Variants in NPAS3 observed in about 807,000 individuals in gnomAD.
The protein encoded by NPAS3 is neuronal PAS domain-containing protein 3.
Under a neutral mutation model 73.1 loss-of-function variants are expected in NPAS3, and 14 were observed. That is an observed-to-expected ratio of 0.19 (90% CI 0.13 to 0.30). NPAS3 has a LOEUF of 0.30. NPAS3 is among the 10% of genes least tolerant of loss of function. The pLI is 1.00. For missense variants in NPAS3, 1,096 were observed against 1,250.0 expected (o/e 0.88, Z 1.86); for synonymous variants, 620 against 541.5 (o/e 1.14, Z -2.01).
intron 5 of NPAS3, among the ~76,000 whole-genome samples, chr14:33,608,966 C>G (rs1022867816): frequency 3.3e-5 from 5 of 152,218 alleles, no homozygotes; most frequent in African/African-American, 1.2e-4. Flanking sequence ...TCCACACCCA[C>G]AGCATCCTAC....
At chr14:33,257,391 T>C (rs1481242974) in intron 3 of NPAS3, among the ~76,000 whole-genome samples, 1 of 152,162 alleles carries the variant, frequency 6.6e-6, no homozygotes, top group Admixed American at 6.6e-5. Flanking sequence ...CTTTGGTAAT[T>C]TCCGTTCCCT....
chr14:33,123,700 AAAACAGATAAGGTAAACACC>A (rs1180067204), intron 2 of NPAS3, among the ~76,000 whole-genome samples: 1 of 152,110 alleles, frequency 6.6e-6, no homozygotes, highest in Non-Finnish European at 1.5e-5. Context: ...GGTAAGCTTA[AAAACAGATAAGGTAAACACC>A]AAACTAAAGG....
At chr14:33,337,066 C>T (rs750624462) in intron 3 of NPAS3, among the ~76,000 whole-genome samples, 8 of 152,042 alleles carry the variant, frequency 5.3e-5, no homozygotes, top group Non-Finnish European at 1.0e-4. Context: ...TTTTGAAGAA[C>T]AGAGGTTTTA....
intron 4 of NPAS3, among the ~76,000 whole-genome samples, chr14:33,519,823 T>A (rs531067425): frequency 2.6e-5 from 4 of 152,128 alleles, no homozygotes; most frequent in Non-Finnish European, 5.9e-5. Flanking sequence ...TGAACCCAGA[T>A]AATACTAATT....
chr14:33,634,473 G>C (rs188818492), intron 5 of NPAS3, among the ~76,000 whole-genome samples: 40 of 152,268 alleles, frequency 2.6e-4, no homozygotes, highest in African/African-American at 9.4e-4. Flanking sequence ...AGATGATGCT[G>C]GAACCAGTGA....
chr14:33,556,933 A>G (rs1007008005), intron 4 of NPAS3, among the ~76,000 whole-genome samples: 7 of 152,212 alleles, frequency 4.6e-5, no homozygotes, highest in Non-Finnish European at 8.8e-5. Context: ...AAAATTTGAG[A>G]AGATGACTTA....
chr14:33,543,425 A>AT (rs1434295566), intron 4 of NPAS3, among the ~76,000 whole-genome samples: 22 of 152,310 alleles, frequency 1.4e-4, no homozygotes, highest in African/African-American at 5.3e-4. Flanking sequence ...TATAGATTTT[A>AT]TATCAGTCCA....
intron 1 of NPAS3, among the ~76,000 whole-genome samples, chr14:33,043,150 G>A (rs375589337): frequency 2.2e-3 from 328 of 152,138 alleles, no homozygotes; most frequent in African/African-American, 7.7e-3. Flanking sequence ...CTATTTGTTG[G>A]TACAGTCTAC....
At chr14:33,240,916 C>T (rs1177959269) in intron 3 of NPAS3, among the ~76,000 whole-genome samples, 1 of 151,762 alleles carries the variant, frequency 6.6e-6, no homozygotes, top group African/African-American at 2.4e-5. Context: ...CAACACTTCC[C>T]AATTAATTGC....
chr14:33,443,261 A>G (rs2049333517), intron 4 of NPAS3, among the ~76,000 whole-genome samples: 1 of 152,028 alleles, frequency 6.6e-6, no homozygotes, highest in Non-Finnish European at 1.5e-5. Context: ...CTATATATCT[A>G]GAAACTCTGT....
chr14:33,017,234 A>T (rs1290202083), intron 1 of NPAS3, among the ~76,000 whole-genome samples: 1 of 152,166 alleles, frequency 6.6e-6, no homozygotes, highest in Non-Finnish European at 1.5e-5. Context: ...CTGTGATGGG[A>T]ACTACCAAAT....
At chr14:32,945,650 C>T (rs978300483) in intron 1 of NPAS3, among the ~76,000 whole-genome samples, 1 of 152,026 alleles carries the variant, frequency 6.6e-6, no homozygotes, top group Non-Finnish European at 1.5e-5. Context: ...CAGAGATTTC[C>T]GAGCCAATAT....
intron 3 of NPAS3, among the ~76,000 whole-genome samples, chr14:33,343,173 C>T (rs1372100767): frequency 1.3e-5 from 2 of 152,124 alleles, no homozygotes; most frequent in African/African-American, 4.8e-5. Flanking sequence ...CCACACATCC[C>T]TAGGATGTGT....
At chr14:33,470,974 C>T (rs2139604679) in intron 4 of NPAS3, among the ~76,000 whole-genome samples, 1 of 151,324 alleles carries the variant, frequency 6.6e-6, no homozygotes, top group African/African-American at 2.4e-5. Context: ...GAAGTGGATA[C>T]CAACAATCTA....
At chr14:33,404,977 G>A (rs2047602311) in intron 4 of NPAS3, among the ~76,000 whole-genome samples, 1 of 152,066 alleles carries the variant, frequency 6.6e-6, no homozygotes, top group Non-Finnish European at 1.5e-5. Flanking sequence ...TGTAATGCTT[G>A]CATCTTTCCT....
intron 5 of NPAS3, among the ~76,000 whole-genome samples, chr14:33,657,982 C>T (rs1595376298): frequency 6.6e-6 from 1 of 152,166 alleles, no homozygotes; most frequent in South Asian, 2.1e-4. Context: ...TCTTAGGTGT[C>T]GATTTTCTGG....
At chr14:33,248,165 T>G (rs1002748177) in intron 3 of NPAS3, among the ~76,000 whole-genome samples, 1 of 152,238 alleles carries the variant, frequency 6.6e-6, no homozygotes, top group Non-Finnish European at 1.5e-5. Flanking sequence ...TTAGAACTTA[T>G]GAGAATCATA....
intron 3 of NPAS3, among the ~76,000 whole-genome samples, chr14:33,363,833 C>T (rs1189715686): frequency 2.0e-5 from 3 of 151,998 alleles, no homozygotes; most frequent in Admixed American, 2.0e-4. Flanking sequence ...TGTTCAACTC[C>T]TATAGCTCTT....
At chr14:33,433,565 G>A (rs1430787905) in intron 4 of NPAS3, among the ~76,000 whole-genome samples, 1 of 152,168 alleles carries the variant, frequency 6.6e-6, no homozygotes, top group Admixed American at 6.5e-5. Flanking sequence ...CCATACATTT[G>A]GAGGCAACTA....
Sources: allele counts gnomAD v4.1 joint callset (sites outside exome capture counted in the v4.1 genomes callset), GRCh38; gene constraint gnomAD v4.1.1; transcripts MANE v1.5; gene names NCBI Gene and HGNC (gene_info 2026-07-23, HGNC 2026-07-21).